DGKB: variants seen among roughly 807,000 people sequenced by gnomAD.
DGKB encodes the protein 90 kDa diacylglycerol kinase.
DGKB carries 67 observed loss-of-function variants against 114.3 expected under a neutral mutation model. The observed-to-expected ratio is 0.59, with a 90% CI of 0.48 to 0.72. DGKB has a LOEUF of 0.72. Ranked by LOEUF, DGKB falls within the 30% of genes least tolerant of loss-of-function variation. The probability of loss-of-function intolerance (pLI) is 0.00; values close to 1 mark genes in which losing one functional copy is unlikely to be tolerated. For synonymous variants in DGKB, 398 were observed against 323.1 expected, an observed-to-expected ratio of 1.23 and a Z score of -2.49; for missense variants, 907 against 975.2, an observed-to-expected ratio of 0.93 and a Z score of 0.93.
chr7:14,901,749 A>T (rs1263404493), intron 1 of DGKB, among the ~76,000 whole-genome samples: 1 of 151,772 alleles, frequency 6.6e-6, no homozygotes, highest in African/African-American at 2.4e-5. Flanking sequence ...GCTTGCATTC[A>T]TGTTTATTTG....
At chr7:14,798,709 A>G (rs1841750171) in intron 2 of DGKB, among the ~76,000 whole-genome samples, 1 of 152,152 alleles carries the variant, frequency 6.6e-6, no homozygotes, top group Admixed American at 6.5e-5. Flanking sequence ...TTATAACAGG[A>G]CTTATGGTTC....
intron 21 of DGKB, among the ~76,000 whole-genome samples, chr7:14,446,370 T>G (rs1435016160): frequency 6.6e-6 from 1 of 152,148 alleles, no homozygotes; most frequent in Admixed American, 6.6e-5. Context: ...TTGATTTACT[T>G]AGTCTTTCAT....
intron 16 of DGKB, among the ~76,000 whole-genome samples, chr7:14,608,705 T>C (rs1804968444): frequency 6.6e-6 from 1 of 152,048 alleles, no homozygotes; most frequent in Non-Finnish European, 1.5e-5. Flanking sequence ...AAAAGGCTGT[T>C]AGAACTGAAG....
intron 21 of DGKB, among the ~76,000 whole-genome samples, chr7:14,360,369 G>C (rs960376785): frequency 6.6e-6 from 1 of 151,938 alleles, no homozygotes; most frequent in Non-Finnish European, 1.5e-5. Context: ...TGTAAGTGAC[G>C]AGTTAATGGG....
chr7:14,419,538 T>C (rs1021234164), intron 21 of DGKB, among the ~76,000 whole-genome samples: 5 of 151,880 alleles, frequency 3.3e-5, no homozygotes, highest in Non-Finnish European at 7.4e-5. Context: ...TGAAAAATGT[T>C]ACTTAGTGAG....
At chr7:14,407,425 G>A (rs1824120080) in intron 21 of DGKB, among the ~76,000 whole-genome samples, 1 of 152,006 alleles carries the variant, frequency 6.6e-6, no homozygotes, top group African/African-American at 2.4e-5. Flanking sequence ...TTGCTCCACG[G>A]TGTGAGACTG....
chr7:14,262,684 G>A lies in DGKB; in HGVS notation c.2122+75831C>T, dbSNP rs575290123. Among the ~76,000 whole-genome samples the A allele has an allele frequency of 2.6e-5, 4 of 152,224 alleles. No homozygotes were observed. In the East Asian group the frequency reaches 5.8e-4, roughly 22 times the overall value. ...AGCTCAGAGCCAGGCATCTTTCTCAGGGCTATTGCAAAGGCCAGTCCAAGA... is the reference window on the plus strand; with the variant it reads ...AGCTCAGAGCCAGGCATCTTTCTCAAGGCTATTGCAAAGGCCAGTCCAAGA... On this transcript the variant is annotated intron_variant, in intron 23 of 25. Transcript: ENST00000402815.
intron 2 of DGKB, among the ~76,000 whole-genome samples, chr7:14,769,276 A>AAGAAAGAAAGAAAGAAAG (rs1230676932): frequency 1.3e-5 from 1 of 74,314 alleles, no homozygotes; most frequent in African/African-American, 1.3e-4. Context: ...GAAAGAAAGA[A>AAGAAAGAAAGAAAGAAAG]AGAAAGATTT....
chr7:14,297,460 A>T (rs1455674247), intron 23 of DGKB, among the ~76,000 whole-genome samples: 3 of 152,162 alleles, frequency 2.0e-5, no homozygotes, highest in Admixed American at 2.0e-4. Flanking sequence ...AAACCACATG[A>T]TTATCTCAAT....
intron 6 of DGKB, among the ~76,000 whole-genome samples, chr7:14,707,400 TG>T (rs1826484764): frequency 6.8e-6 from 1 of 146,502 alleles, no homozygotes; most frequent in Non-Finnish European, 1.5e-5. Flanking sequence ...AAGGAGGAAC[TG>T]GTACCATTCC....
At chr7:14,222,975 T>C (rs1790237057) in intron 23 of DGKB, among the ~76,000 whole-genome samples, 1 of 151,734 alleles carries the variant, frequency 6.6e-6, no homozygotes, top group Non-Finnish European at 1.5e-5. Flanking sequence ...GATTGCTGTT[T>C]GCATGATCTG....
chr7:14,857,264 G>GTGTGTGTGTGTGTGTGTCTC (rs1456258738), intron 1 of DGKB, among the ~76,000 whole-genome samples: 1 of 151,338 alleles, frequency 6.6e-6, no homozygotes, highest in Non-Finnish European at 1.5e-5. Context: ...GTGTTTGTGT[G>GTGTGTGTGTGTGTGTGTCTC]TGTGTGTGTG....
intron 14 of DGKB, among the ~76,000 whole-genome samples, chr7:14,624,471 T>G (rs1042888380): frequency 2.6e-5 from 4 of 152,194 alleles, no homozygotes; most frequent in African/African-American, 7.2e-5. Flanking sequence ...ATATTTATGT[T>G]TTAATGGAAA....
chr7:14,241,937 GATAT>G (rs10547553), intron 23 of DGKB, among the ~76,000 whole-genome samples: 34,225 of 139,016 alleles, frequency 0.25, 4,787 homozygotes, highest in East Asian at 0.39. Flanking sequence ...CACACATATA[GATAT>G]ATACACACAC....
chr7:14,920,540 G>T (rs755287850), intron 1 of DGKB, among the ~76,000 whole-genome samples: 1 of 152,176 alleles, frequency 6.6e-6, no homozygotes, highest in South Asian at 2.1e-4. Context: ...TTCATTCATT[G>T]CTAGTGGGAA....
chr7:14,964,711 T>C (rs1031713678), intron 1 of DGKB, among the ~76,000 whole-genome samples: 5 of 152,114 alleles, frequency 3.3e-5, no homozygotes, highest in Admixed American at 3.3e-4. Context: ...GAGATCTTGC[T>C]GGCAAGATTG....
intron 23 of DGKB, among the ~76,000 whole-genome samples, chr7:14,217,911 T>C (rs977683237): frequency 6.6e-6 from 1 of 152,148 alleles, no homozygotes; most frequent in Non-Finnish European, 1.5e-5. Flanking sequence ...TCTGAATCCA[T>C]GGTCCTGTCC....
intron 23 of DGKB, among the ~76,000 whole-genome samples, chr7:14,319,547 C>T (rs1207716454): frequency 6.6e-6 from 1 of 152,092 alleles, no homozygotes; most frequent in African/African-American, 2.4e-5. Flanking sequence ...AGATGTACCT[C>T]ACATAAGCAA....
At chr7:14,411,133 T>G (rs1231293239) in intron 21 of DGKB, among the ~76,000 whole-genome samples, 1 of 152,158 alleles carries the variant, frequency 6.6e-6, no homozygotes, top group Non-Finnish European at 1.5e-5. Context: ...GTGTATGGTA[T>G]TCAATATATT....
Sources: gnomAD v4.1 joint callset for allele counts (sites outside exome capture counted in the v4.1 genomes callset) on GRCh38, gnomAD v4.1.1 for gene constraint, MANE v1.5 for transcripts, NCBI Gene and HGNC (gene_info 2026-07-23, HGNC 2026-07-21) for gene names.